ZC3H12B: variants seen among roughly 807,000 people sequenced by gnomAD.
The protein encoded by ZC3H12B is zinc finger CCCH-type containing 12B, also known as probable ribonuclease ZC3H12B.
In ZC3H12B, 7 loss-of-function variants were observed where a neutral mutation model predicts 43.9. The observed-to-expected ratio is 0.16, with a 90% confidence interval of 0.09 to 0.30. ZC3H12B has a LOEUF of 0.30. Ranked by LOEUF, ZC3H12B falls within the 10% of genes least tolerant of loss-of-function variation. The probability of loss-of-function intolerance (pLI) is 1.00; values close to 1 mark genes in which losing one functional copy is unlikely to be tolerated. For missense variants in ZC3H12B, 475 were observed against 670.2 expected (o/e 0.71, Z 3.22); for synonymous variants, 222 against 241.7 (o/e 0.92, Z 0.76).
At chrX:65,160,552 G>A in the ZC3H12B span, among the ~76,000 whole-genome samples, 1 of 111,700 alleles carries the variant, frequency 9.0e-6, no homozygotes, top group African/African-American at 3.3e-5. Context: ...TTTGCGTAGA[G>A]GTGTTTGTAG....
chrX:65,157,293 G>A, the ZC3H12B span, among the ~76,000 whole-genome samples: 1 of 112,026 alleles, frequency 8.9e-6, no homozygotes, highest in Non-Finnish European at 1.9e-5. Context: ...TATTATCCTT[G>A]CTTTAATGCC....
chrX:65,134,930 G>A, the ZC3H12B span, among the ~76,000 whole-genome samples: 13 of 110,919 alleles, frequency 1.2e-4, no homozygotes, highest in African/African-American at 4.3e-4. Flanking sequence ...GTGCTCAGTG[G>A]GGGAGCTTCT....
chrX:65,375,814 C>A (rs750410953), intron 2 of ZC3H12B, among the ~76,000 whole-genome samples: 23 of 111,802 alleles, frequency 2.1e-4, no homozygotes, highest in Admixed American at 5.7e-4. Flanking sequence ...ACACCATAGG[C>A]CTTGGGTGAG....
At position 65,498,878 on chromosome X, in the gene ZC3H12B, TC is replaced by T. The variant is rs2068326994; in HGVS notation, c.749-118del. The T allele has an allele frequency of 3.6e-5, 19 of 535,106 alleles. No homozygotes were observed. The East Asian group carries it at 6.4e-4, about 18-fold the overall frequency. 44.1% of individuals were successfully genotyped at this position (535,106 alleles called of 1,213,427 possible). A position where few individuals can be genotyped will look rare whatever the true frequency, so the allele number is the denominator to read the frequency against. The stretch of plus-strand genomic sequence containing the variant: ...TCATAGCCAGGAACAGGGCCTACTT[TC>T]CCTCTAAGAGCAAATAATATCTTCA... On this transcript the variant is annotated intron_variant, in intron 2 of 4. Transcript: ENST00000338957.
chrX:65,268,143 T>G, the ZC3H12B span, among the ~76,000 whole-genome samples: 1 of 111,799 alleles, frequency 8.9e-6, no homozygotes, highest in African/African-American at 3.2e-5. Flanking sequence ...ACAGTTATAT[T>G]TCAACAAATT....
chrX:65,441,564 C>G (rs144961316), intron 3 of ZC3H12B, among the ~76,000 whole-genome samples: 1,465 of 112,120 alleles, frequency 0.013, 12 homozygotes, highest in Non-Finnish European at 0.023. Context: ...GTGCTATGCG[C>G]TCTCCTGGCT....
At chrX:65,127,412 G>A in the ZC3H12B span, among the ~76,000 whole-genome samples, 4 of 111,918 alleles carry the variant, frequency 3.6e-5, no homozygotes, top group Non-Finnish European at 7.5e-5. Flanking sequence ...TAGCAGGAGA[G>A]TGAAATGGAC....
the ZC3H12B span, among the ~76,000 whole-genome samples, chrX:65,355,052 A>G: frequency 8.9e-6 from 1 of 112,214 alleles, no homozygotes; most frequent in African/African-American, 3.2e-5. Flanking sequence ...GATGTTATTC[A>G]GGAGAACTTC....
At position 65,502,217 on chromosome X, in the gene ZC3H12B, T is replaced by C. The variant is rs367830918; in HGVS notation, c.1519T>C (p.Leu507=). 5.0e-6 allele frequency: 6 copies of C among 1,209,336 alleles called. No homozygotes were observed. In the African/African-American group the frequency reaches 1.1e-4, roughly 21 times the overall value. ...CCATTTCCCCCACCAGAAGGCCTCT[T>C]TGGAGCATATGGCCAGCATGCAGTA... Residue 507 remains leucine, a synonymous_variant, in exon 5 of 5, where the codon TTG becomes CTG. Coordinates refer to ENST00000338957, the Ensembl canonical transcript of ZC3H12B.
chrX:65,454,680 C>T (rs1314759574), intron 3 of ZC3H12B, among the ~76,000 whole-genome samples: 1 of 111,909 alleles, frequency 8.9e-6, no homozygotes, highest in East Asian at 2.8e-4. Context: ...GGACTGCCTC[C>T]TCAAGTTGGT....
intron 3 of ZC3H12B, among the ~76,000 whole-genome samples, chrX:65,418,328 A>G (rs1282540094): frequency 3.6e-5 from 4 of 111,889 alleles, no homozygotes; most frequent in Non-Finnish European, 1.9e-5. Flanking sequence ...CTATCATTCC[A>G]AAAGTTAGAC....
chrX:65,058,074 C>A, the ZC3H12B span, among the ~76,000 whole-genome samples: 11 of 112,389 alleles, frequency 9.8e-5, no homozygotes, highest in South Asian at 3.7e-4. Context: ...AAGCTTTCTT[C>A]TCTCAACTCC....
the ZC3H12B span, among the ~76,000 whole-genome samples, chrX:65,341,996 T>C: frequency 5.4e-5 from 6 of 110,324 alleles, no homozygotes; most frequent in Non-Finnish European, 7.6e-5. Context: ...CAAGACCCAA[T>C]AATATGCTGT....
the ZC3H12B span, among the ~76,000 whole-genome samples, chrX:65,154,250 ATAAAT>A: frequency 1.1e-4 from 12 of 112,505 alleles, no homozygotes; most frequent in African/African-American, 2.9e-4. Context: ...ATTTAAAAAA[ATAAAT>A]TAAAAAAAAT....
the ZC3H12B span, among the ~76,000 whole-genome samples, chrX:65,165,760 G>A: frequency 8.9e-6 from 1 of 112,225 alleles, no homozygotes; most frequent in Non-Finnish European, 1.9e-5. Context: ...AAACATAAAT[G>A]TGCATGTGTC....
the ZC3H12B span, among the ~76,000 whole-genome samples, chrX:65,227,864 G>C: frequency 7.2e-4 from 80 of 111,154 alleles, no homozygotes; most frequent in Middle Eastern, 9.2e-3. Flanking sequence ...ACACCAATAA[G>C]AGGCTCTGAA....
chrX:65,277,923 T>A, the ZC3H12B span, among the ~76,000 whole-genome samples: 1 of 110,992 alleles, frequency 9.0e-6, no homozygotes, highest in African/African-American at 3.3e-5. Context: ...AAAGGAAAGT[T>A]GTTATTTGGA....
intron 3 of ZC3H12B, among the ~76,000 whole-genome samples, chrX:65,428,499 A>T (rs1337087135): frequency 8.9e-6 from 1 of 112,433 alleles, no homozygotes; most frequent in Non-Finnish European, 1.9e-5. Context: ...TATTTCAGAA[A>T]GATAGTCTTC....
chrX:65,129,303 CAT>C, the ZC3H12B span, among the ~76,000 whole-genome samples: 1 of 103,459 alleles, frequency 9.7e-6, no homozygotes, highest in South Asian at 4.2e-4. Context: ...ATATATATGT[CAT>C]ATGCATCCGT....
Sources: allele counts gnomAD v4.1 joint callset (sites outside exome capture counted in the v4.1 genomes callset), GRCh38; gene constraint gnomAD v4.1.1; transcripts MANE v1.5; gene names NCBI Gene and HGNC (gene_info 2026-07-23, HGNC 2026-07-21).